GXYLT1: variants seen among roughly 807,000 people sequenced by gnomAD.
The protein encoded by GXYLT1 is glycosyltransferase 8 domain containing 3.
In GXYLT1, 29 loss-of-function variants were observed where a neutral mutation model predicts 54.0. The observed-to-expected ratio is 0.54, with a 90% confidence interval of 0.40 to 0.73. GXYLT1 has a LOEUF of 0.73. Ranked by LOEUF, GXYLT1 falls within the 30% of genes least tolerant of loss-of-function variation. The pLI is 0.00. For synonymous variants in GXYLT1, 176 were observed against 204.1 expected, an observed-to-expected ratio of 0.86 and a Z score of 1.17; for missense variants, 490 against 553.4, an observed-to-expected ratio of 0.89 and a Z score of 1.15.
At chr12:42,125,808 T>A (rs2065557441) in intron 2 of GXYLT1, among the ~76,000 whole-genome samples, 1 of 151,944 alleles carries the variant, frequency 6.6e-6, no homozygotes, top group East Asian at 1.9e-4. Flanking sequence ...TGAGCTCAGT[T>A]GTTCATGACC....
intron 5 of GXYLT1, among the ~76,000 whole-genome samples, chr12:42,103,491 T>C (rs1033647992): frequency 5.9e-5 from 9 of 152,166 alleles, no homozygotes; most frequent in Non-Finnish European, 1.5e-5. Context: ...ATTTCTAAAA[T>C]TTAAGATCTG....
At chr12:42,118,630 C>T (rs2065511118) in intron 3 of GXYLT1, among the ~76,000 whole-genome samples, 3 of 152,318 alleles carry the variant, frequency 2.0e-5, no homozygotes, top group Middle Eastern at 3.4e-3. Context: ...GTAATTCCCA[C>T]GTGTCAAGGG....
Position 42,084,299 on chromosome 12 carries a change from T to G in GXYLT1, c.*3487A>C, listed in dbSNP as rs1165310769. The stretch of plus-strand genomic sequence containing the variant: ...CCTTTCTCTTTCCTCACCCCTTTTC[T>G]CACTTCCTCTCTTTTCCTTCTTTTT... On this transcript the variant is annotated 3_prime_UTR_variant, in exon 8 of 8. Coordinates refer to ENST00000398675, the MANE Select transcript of GXYLT1 (RefSeq NM_173601.2). 3.3e-5 allele frequency: 5 copies of G among 152,418 alleles called. No individual in the cohort carries two copies. The highest frequency in any genetic ancestry group is 7.3e-5 in the Non-Finnish European group (5 of 68,118). The allele number at this position is 152,418 out of a possible 1,614,324, so 9.4% of individuals were successfully genotyped here. A position where few individuals can be genotyped will look rare whatever the true frequency, so the allele number is the denominator to read the frequency against.
rs2065440283 is a variant in GXYLT1, at chr12:42,109,602, G to A, written c.576C>T (p.Leu192=). Reference sequence around the variant, plus strand: ...ATCTCTGCGAAGCACATGGTTTAAAGAGTTTTTTCCACTCTGCTGCATTCT... The same window carrying A: ...ATCTCTGCGAAGCACATGGTTTAAAAAGTTTTTTCCACTCTGCTGCATTCT... ...PSENAAEWKK[L]FKPCASQRLF... The change falls in exon 4 of 8, where the codon CTC becomes CTT. Residue 192 remains leucine, a synonymous_variant. Transcript: ENST00000398675. The A allele has an allele frequency of 6.3e-7, 1 of 1,587,996 alleles. No homozygotes were observed. Among genetic ancestry groups the A allele is most frequent in the South Asian group, 1.2e-5 (1 of 86,484 alleles).
At chr12:42,090,806 A>G (rs1219279568) in intron 7 of GXYLT1, among the ~76,000 whole-genome samples, 1 of 152,242 alleles carries the variant, frequency 6.6e-6, no homozygotes, top group Non-Finnish European at 1.5e-5. Context: ...GTTAACACAA[A>G]ACATCAAGAA....
chr12:42,089,293 C>CT (rs2065315525), intron 7 of GXYLT1, among the ~76,000 whole-genome samples: 1 of 130,796 alleles, frequency 7.6e-6, no homozygotes, highest in Non-Finnish European at 1.5e-5. Context: ...ACAATGAGAA[C>CT]ACATGGACAC....
intron 5 of GXYLT1, among the ~76,000 whole-genome samples, chr12:42,102,137 G>C (rs2065393777): frequency 6.6e-6 from 1 of 151,982 alleles, no homozygotes; most frequent in South Asian, 2.1e-4. Flanking sequence ...TTCATTTTTT[G>C]AATTAAGCAT....
intron 2 of GXYLT1, among the ~76,000 whole-genome samples, chr12:42,128,942 C>T (rs1223062783): frequency 2.0e-5 from 3 of 152,140 alleles, no homozygotes; most frequent in Non-Finnish European, 4.4e-5. Context: ...TCCCAAAATG[C>T]TGAGATTACA....
chr12:42,142,928 G>C (rs572109272), intron 1 of GXYLT1, among the ~76,000 whole-genome samples: 1 of 152,038 alleles, frequency 6.6e-6, no homozygotes, highest in African/African-American at 2.4e-5. Flanking sequence ...GCTACTCAAA[G>C]GACCTAAAAA....
intron 2 of GXYLT1, 92 bp downstream of exon 2, chr12:42,129,667 A>G (rs2065583305): frequency 1.3e-6 from 1 of 761,308 alleles, no homozygotes; most frequent in East Asian, 2.6e-5. Context: ...ATAATATCAT[A>G]AGAAACATTC....
intron 2 of GXYLT1, among the ~76,000 whole-genome samples, chr12:42,127,292 T>C (rs981113194): frequency 1.3e-5 from 2 of 152,206 alleles, no homozygotes; most frequent in Non-Finnish European, 2.9e-5. Flanking sequence ...GAATCGTTAG[T>C]TCTAAATAAG....
At chr12:42,107,196 C>T (rs1163205657) in intron 4 of GXYLT1, among the ~76,000 whole-genome samples, 1 of 152,124 alleles carries the variant, frequency 6.6e-6, no homozygotes, top group Non-Finnish European at 1.5e-5. Flanking sequence ...GAGCTTGATC[C>T]TAGTTCTGCT....
At position 42,086,192 on chromosome 12, in the gene GXYLT1, T is replaced by C. The variant is rs1441035034; in HGVS notation, c.*1594A>G. 1.3e-5 allele frequency: 2 copies of C among 151,454 alleles called. No homozygotes were observed. Among genetic ancestry groups the C allele is most frequent in the Non-Finnish European group, 2.9e-5 (2 of 67,854 alleles). The allele number at this position is 151,454 out of a possible 1,614,324, so 9.4% of individuals were successfully genotyped here. Reference sequence around the variant, plus strand: ...GTAAGCTCAATTTCACAGTTTCTTATATTCACCATGGCATTCTGCCAAGGA... The same window carrying C: ...GTAAGCTCAATTTCACAGTTTCTTACATTCACCATGGCATTCTGCCAAGGA... On this transcript the variant is annotated 3_prime_UTR_variant, in exon 8 of 8. Coordinates refer to ENST00000398675, the MANE Select transcript of GXYLT1 (RefSeq NM_173601.2).
rs1315723664 is a variant in GXYLT1, at chr12:42,122,080, C to G, written c.315-2909G>C. On this transcript the variant is annotated intron_variant, in intron 2 of 7. Transcript: ENST00000398675. ...CCAGGGTCTACAAAAATCTTTCTTTCGGTCACAATATGAACAAAAGAAAAG... is the reference window on the plus strand; with the variant it reads ...CCAGGGTCTACAAAAATCTTTCTTTGGGTCACAATATGAACAAAAGAAAAG... 6.6e-5 allele frequency among the ~76,000 whole-genome samples: 10 copies of G among 152,234 alleles called. No homozygotes were observed. In the South Asian group the frequency reaches 1.9e-3, roughly 28 times the overall value.
chr12:42,092,812 T>C (rs553857451), intron 7 of GXYLT1, among the ~76,000 whole-genome samples: 1 of 152,246 alleles, frequency 6.6e-6, no homozygotes, highest in African/African-American at 2.4e-5. Context: ...GGAAGAATTG[T>C]CTTGGACCAC....
At chr12:42,142,111 G>A (rs966868357) in intron 1 of GXYLT1, among the ~76,000 whole-genome samples, 5 of 152,192 alleles carry the variant, frequency 3.3e-5, no homozygotes, top group African/African-American at 9.7e-5. Context: ...AAGTACTACT[G>A]AAAAGAGGAA....
intron 7 of GXYLT1, among the ~76,000 whole-genome samples, chr12:42,088,560 G>T (rs2065310768): frequency 6.6e-6 from 1 of 152,124 alleles, no homozygotes. Context: ...AGTGTTGTCT[G>T]ACCTGTTTGT....
intron 1 of GXYLT1, among the ~76,000 whole-genome samples, chr12:42,132,341 T>G (rs925773152): frequency 3.9e-5 from 6 of 152,234 alleles, no homozygotes; most frequent in Non-Finnish European, 5.9e-5. Context: ...TAGAGTCAGC[T>G]TGAAATTTTT....
chr12:42,108,323 T>TA (rs1285833530), intron 4 of GXYLT1, among the ~76,000 whole-genome samples: 1 of 152,214 alleles, frequency 6.6e-6, no homozygotes, highest in Non-Finnish European at 1.5e-5. Context: ...TTTCATCTCT[T>TA]ATTGTTTTTT....
Sources: allele counts gnomAD v4.1 joint callset (sites outside exome capture counted in the v4.1 genomes callset), GRCh38; gene constraint gnomAD v4.1.1; transcripts MANE v1.5; gene names NCBI Gene and HGNC (gene_info 2026-07-23, HGNC 2026-07-21).